Variants in ALG14 observed in about 807,000 individuals in gnomAD.
ALG14 encodes UDP-N-acetylglucosamine transferase subunit ALG14.
In ALG14, 17 loss-of-function variants were observed where a neutral mutation model predicts 22.8. That is an observed-to-expected ratio of 0.75 (90% CI 0.51 to 1.12). The LOEUF (loss-of-function observed/expected upper bound fraction) is 1.12, where lower values mean the gene tolerates loss of function less well. Ranked by LOEUF, ALG14 falls within the 50% of genes most tolerant of loss-of-function variation. ALG14 has a pLI of 0.00. For missense variants in ALG14, 288 were observed against 271.8 expected, an observed-to-expected ratio of 1.06 and a Z score of -0.42; for synonymous variants, 89 against 103.7, an observed-to-expected ratio of 0.86 and a Z score of 0.86.
At chr1:95,061,428 T>C (rs1464863825) in intron 2 of ALG14, among the ~76,000 whole-genome samples, 1 of 152,166 alleles carries the variant, frequency 6.6e-6, no homozygotes, top group Non-Finnish European at 1.5e-5. Flanking sequence ...TTTAGTAGTA[T>C]GTTAGTTGGG....
Position 94,983,283 on chromosome 1 carries a change from T to C in ALG14, c.444A>G (p.Thr148=). 6.2e-7 allele frequency: 1 copy of C among 1,614,108 alleles called. No homozygotes were observed. The highest frequency in any genetic ancestry group is 8.5e-7 in the Non-Finnish European group (1 of 1,180,012). ...PDLVLCNGPG[T]CVPICVSALL... is the part of the protein sequence containing the mutation. ...GGGCAGATACACAGATAGGAACACA[T>C]GTTCCTGGTCCGTTACACAACACCT... The change falls in exon 4 of 4, where the codon ACA becomes ACG. Residue 148 remains threonine (T), a synonymous_variant. Transcript: ENST00000370205.
intron 1 of ALG14, among the ~76,000 whole-genome samples, chr1:95,066,067 G>A (rs1386608894): frequency 3.3e-5 from 5 of 151,986 alleles, no homozygotes; most frequent in East Asian, 1.9e-4. Flanking sequence ...CACCTTATTC[G>A]TTACTCACTC....
rs576237805 is a variant in ALG14 at position 95,007,278 on chromosome 1, A to G, written c.420+19851T>C. Among the ~76,000 whole-genome samples, 4 of 152,320 alleles carry G rather than the reference A, an allele frequency of 2.6e-5. No individual in the cohort carries two copies. The South Asian group carries it at 6.2e-4, about 24-fold the overall frequency. ...GTAGGTCTGGCTAACAAATACTAAC[A>G]ATTATTTTTATTTGCTGATAGCATC... is the stretch of plus-strand genomic sequence containing the variant. On this transcript the variant is annotated intron_variant, in intron 3 of 3. Transcript: ENST00000370205.
chr1:95,001,545 G>C (rs1411279895), intron 3 of ALG14, among the ~76,000 whole-genome samples: 4 of 152,104 alleles, frequency 2.6e-5, no homozygotes, highest in African/African-American at 9.7e-5. Flanking sequence ...GTCCAGGCTG[G>C]AGTGCAGTGG....
intron 3 of ALG14, among the ~76,000 whole-genome samples, chr1:95,014,565 G>GT (rs1402543667): frequency 6.6e-6 from 1 of 152,088 alleles, no homozygotes; most frequent in Admixed American, 6.5e-5. Context: ...ATTTCCCATG[G>GT]TGCCTAGCTC....
intron 2 of ALG14, among the ~76,000 whole-genome samples, chr1:95,053,904 A>C (rs1674839184): frequency 6.6e-6 from 1 of 152,238 alleles, no homozygotes; most frequent in Non-Finnish European, 1.5e-5. Flanking sequence ...ACTAGGCTAC[A>C]AAGTAAGTCT....
At chr1:94,994,004 T>G (rs1328105471) in intron 3 of ALG14, among the ~76,000 whole-genome samples, 1 of 152,176 alleles carries the variant, frequency 6.6e-6, no homozygotes, top group Non-Finnish European at 1.5e-5. Flanking sequence ...AGGTTGGTAT[T>G]TCATTTTCTT....
At chr1:95,072,667 C>T in intron 1 of ALG14, 96 bp downstream of exon 1, 12 of 1,513,456 alleles carry the variant, frequency 7.9e-6, no homozygotes, top group African/African-American at 1.4e-5. Flanking sequence ...TGCAACACTC[C>T]AAGAAGTGCT....
At chr1:95,029,708 T>C (rs557885965) in intron 2 of ALG14, among the ~76,000 whole-genome samples, 3 of 152,318 alleles carry the variant, frequency 2.0e-5, no homozygotes, top group Non-Finnish European at 2.9e-5. Context: ...GCTTCTATTA[T>C]GCTCCAAGAG....
intron 1 of ALG14, among the ~76,000 whole-genome samples, chr1:95,066,011 A>G (rs948999093): frequency 2.0e-5 from 3 of 152,100 alleles, no homozygotes; most frequent in East Asian, 1.9e-4. Context: ...TCGTTTCACA[A>G]GCTCTCTGCC....
intron 2 of ALG14, among the ~76,000 whole-genome samples, chr1:95,033,749 CAT>C (rs1351115890): frequency 2.6e-5 from 4 of 152,158 alleles, no homozygotes; most frequent in Non-Finnish European, 4.4e-5. Flanking sequence ...ACTTATTCCA[CAT>C]GTCTCGGCTA....
At chr1:95,028,084 G>C (rs1195887903) in intron 2 of ALG14, among the ~76,000 whole-genome samples, 1 of 152,236 alleles carries the variant, frequency 6.6e-6, no homozygotes, top group Non-Finnish European at 1.5e-5. Flanking sequence ...AAGACAGCAT[G>C]TTTAATATAA....
intron 3 of ALG14, chr1:94,983,668 C>G (rs1672560513): frequency 5.3e-6 from 1 of 188,818 alleles, no homozygotes; most frequent in Admixed American, 5.6e-5. Context: ...AAAACAAAAT[C>G]AACTGAGATT....
chr1:94,992,648 T>C (rs1672804097), intron 3 of ALG14, among the ~76,000 whole-genome samples: 1 of 152,096 alleles, frequency 6.6e-6, no homozygotes, highest in Non-Finnish European at 1.5e-5. Context: ...GAACTTCTTG[T>C]AGTGAATAAC....
rs1557649464 is a variant in ALG14 at position 95,052,714 on chromosome 1, CA to C, written c.288+12151del. On this transcript the variant is annotated intron_variant, in intron 2 of 3. Transcript: ENST00000370205. Reference sequence around the variant, plus strand: ...CTCTACTAAATATACAAAAATGACTCAGGTGTGGTGGCACGTGCCTGTAATC... The same window carrying C: ...CTCTACTAAATATACAAAAATGACTCGGTGTGGTGGCACGTGCCTGTAATC... 2.0e-5 allele frequency among the ~76,000 whole-genome samples: 3 copies of C among 152,028 alleles called. No homozygotes were observed. The South Asian group carries it at 6.2e-4, about 32-fold the overall frequency.
At chr1:95,016,945 GTGTGTGTGTGT>G (rs1557954544) in intron 3 of ALG14, among the ~76,000 whole-genome samples, 3 of 18,824 alleles carry the variant, frequency 1.6e-4, no homozygotes, top group African/African-American at 5.2e-4. Context: ...CAAAAGGGGT[GTGTGTGTGTGT>G]GTGTGTGTGT....
Position 94,980,068 on chromosome 1 carries a change from A to T in ALG14, c.*3008T>A, listed in dbSNP as rs893168641. 29 of 152,184 alleles carry T rather than the reference A, an allele frequency of 1.9e-4. No individual in the cohort carries two copies. Among genetic ancestry groups the T allele is most frequent in the African/African-American group, 6.3e-4 (26 of 41,438 alleles). 9.4% of individuals were successfully genotyped at this position (152,184 alleles called of 1,614,324 possible). ...GGGATGGGGCTTTTCAGAAAAAAAA[A>T]AAAGCACTCATTCAACCCAAGGAAC... is the stretch of plus-strand genomic sequence containing the variant. On this transcript the variant is annotated 3_prime_UTR_variant, in exon 4 of 4. Transcript: ENST00000370205.
chr1:94,994,508 G>C (rs1165300333), intron 3 of ALG14, among the ~76,000 whole-genome samples: 2 of 152,200 alleles, frequency 1.3e-5, no homozygotes, highest in African/African-American at 2.4e-5. Context: ...GTGGCATTTT[G>C]CAAAATTACC....
chr1:95,064,934 C>T lies in ALG14; in HGVS notation c.220G>A (p.Asp74Asn), dbSNP rs769114543. The T allele has an allele frequency of 2.3e-4, 369 of 1,613,706 alleles. No homozygotes were observed. The highest frequency in any genetic ancestry group is 2.9e-4 in the Non-Finnish European group (347 of 1,179,758). Residue 74 changes from aspartate (D) to asparagine (N), a missense_variant, in exon 2 of 4, where the codon GAT becomes AAT. By Grantham distance (23) the Asp-to-Asn change is conservative. Coordinates refer to ENST00000370205, the MANE Select transcript of ALG14 (RefSeq NM_144988.4). ...SPRHYVIADT[D>N]EMSANKINSF... is the part of the protein sequence containing the mutation. ...TTTATTTTATTGGCACTCATTTCATCAGTGTCAGCAATGACATAATGTCTA... is the reference window on the plus strand; with the variant it reads ...TTTATTTTATTGGCACTCATTTCATTAGTGTCAGCAATGACATAATGTCTA...
Sources: allele counts gnomAD v4.1 joint callset (sites outside exome capture counted in the v4.1 genomes callset), GRCh38; gene constraint gnomAD v4.1.1; transcripts MANE v1.5; gene names NCBI Gene and HGNC (gene_info 2026-07-23, HGNC 2026-07-21).